CRELD1: variants seen among roughly 807,000 people sequenced by gnomAD.
CRELD1 encodes the protein protein disulfide isomerase CRELD1.
In CRELD1, 42 loss-of-function variants were observed where a neutral mutation model predicts 58.2. The observed-to-expected ratio is 0.72, with a 90% CI of 0.56 to 0.93. The LOEUF (loss-of-function observed/expected upper bound fraction) is 0.93. CRELD1 is among the 40% of genes least tolerant of loss of function. The probability of loss-of-function intolerance (pLI) is 0.00; values close to 1 mark genes in which losing one functional copy is unlikely to be tolerated. For missense variants in CRELD1, 500 were observed against 540.6 expected (o/e 0.92, Z 0.74); for synonymous variants, 222 against 202.0 (o/e 1.10, Z -0.84).
chr3:9,941,292 C>A, intron 7 of CRELD1, 86 bp downstream of exon 7: 1 of 1,170,014 alleles, frequency 8.5e-7, no homozygotes, highest in Non-Finnish European at 1.2e-6. Flanking sequence ...CTGGGCTAGA[C>A]TAGCCTAGTC....
At chr3:9,936,134 C>G (rs979181728) in intron 3 of CRELD1, 27 of 152,132 alleles carry the variant, frequency 1.8e-4, no homozygotes, top group African/African-American at 6.0e-4. Context: ...TTCTTAACCT[C>G]TCAGAGCCAC....
chr3:9,941,953 A>G (rs2124854459), intron 7 of CRELD1, among the ~76,000 whole-genome samples: 2 of 152,116 alleles, frequency 1.3e-5, no homozygotes, highest in Middle Eastern at 6.8e-3. Context: ...AAAATCCCCA[A>G]AAGACTGTGG....
At chr3:9,936,925 T>G (rs904801714) in intron 3 of CRELD1, among the ~76,000 whole-genome samples, 1 of 152,266 alleles carries the variant, frequency 6.6e-6, no homozygotes, top group Non-Finnish European at 1.5e-5. Context: ...TATTCTCATT[T>G]GGCTGTACCA....
Position 9,934,624 on chromosome 3 carries a change from G to C in CRELD1, c.174+12G>C. ...ACAGCTTTAACAAGGTGGGTGCACCGGCAGCCTCGTTAGAGGGGAACACAG... is the reference window on the plus strand; with the variant it reads ...ACAGCTTTAACAAGGTGGGTGCACCCGCAGCCTCGTTAGAGGGGAACACAG... On this transcript the variant is annotated intron_variant, in intron 2 of 10. Transcript: ENST00000452070. 1.2e-6 allele frequency: 2 copies of C among 1,611,702 alleles called. No homozygotes were observed. Among genetic ancestry groups the C allele is most frequent in the Non-Finnish European group, 1.7e-6 (2 of 1,178,036 alleles).
chr3:9,935,007 C>G lies in CRELD1; in HGVS notation c.257+90C>G, dbSNP rs1415402976. On this transcript the variant is annotated intron_variant, in intron 3 of 10. Transcript: ENST00000452070. ...TAGGGCTAGGAACTCTTGGGGAGCA[C>G]TTATTCATTCAACAAATAGCACTGA... is the stretch of plus-strand genomic sequence containing the variant. 6.5e-6 allele frequency: 7 copies of G among 1,084,838 alleles called. No individual in the cohort carries two copies. In the East Asian group the frequency reaches 1.8e-4, roughly 28 times the overall value. 67.2% of individuals were successfully genotyped at this position (1,084,838 alleles called of 1,614,324 possible).
At chr3:9,944,010 C>A in intron 10 of CRELD1, 1 of 944,776 alleles carries the variant, frequency 1.1e-6, no homozygotes, top group East Asian at 2.4e-5. Context: ...AGAGATGAAG[C>A]TACTTTCCCA....
intron 7 of CRELD1, among the ~76,000 whole-genome samples, chr3:9,942,254 A>G (rs1258317298): frequency 1.3e-5 from 2 of 151,602 alleles, no homozygotes; most frequent in African/African-American, 4.9e-5. Context: ...CTGGGTGACA[A>G]GAGCGAAACT....
chr3:9,938,585 C>T (rs764859760), intron 5 of CRELD1: 12 of 168,016 alleles, frequency 7.1e-5, no homozygotes, highest in Non-Finnish European at 1.2e-4. Flanking sequence ...ATTGGCTGGG[C>T]GCGGTGGCTC....
At chr3:9,939,749 G>A (rs1044026163) in intron 5 of CRELD1, among the ~76,000 whole-genome samples, 3 of 152,130 alleles carry the variant, frequency 2.0e-5, no homozygotes, top group African/African-American at 7.2e-5. Context: ...CACAGACACA[G>A]CAACCATCCG....
intron 7 of CRELD1, 31 bp from the exon 8 acceptor site, chr3:9,942,782 T>G: frequency 6.3e-6 from 10 of 1,584,172 alleles, no homozygotes; most frequent in Non-Finnish European, 5.2e-6. Context: ...AAATAGGGAT[T>G]GAAATTCTCA....
intron 3 of CRELD1, 110 bp from the exon 4 acceptor site, chr3:9,937,452 T>C: frequency 1.3e-6 from 1 of 758,744 alleles, no homozygotes; most frequent in Non-Finnish European, 2.3e-6. Flanking sequence ...TTATACCTCA[T>C]GGCCTCTCCT....
At chr3:9,937,472 T>G in intron 3 of CRELD1, 90 bp from the exon 4 acceptor site, 2 of 863,538 alleles carry the variant, frequency 2.3e-6, no homozygotes, top group Non-Finnish European at 3.9e-6. Flanking sequence ...TTTGATATTT[T>G]CACCGCACGA....
intron 9 of CRELD1, 83 bp from the exon 10 acceptor site, chr3:9,943,298 G>T: frequency 1.2e-6 from 2 of 1,603,418 alleles, no homozygotes; most frequent in Non-Finnish European, 1.7e-6. Context: ...AGGGCAGAGG[G>T]GAGTGTTGAG....
Position 9,941,188 on chromosome 3 carries a change from C to T in CRELD1, c.715C>T (p.His239Tyr), listed in dbSNP as rs1451636401. The part of the protein sequence containing the change: ...CLQCKKGWAL[H>Y]HLKCVDIDEC... The stretch of plus-strand genomic sequence containing the variant: ...GCAATGCAAGAAGGGCTGGGCCCTG[C>T]ATCACCTCAAGTGTGTAGGTAAGTG... The change falls in exon 7 of 11, where the codon CAT (histidine) becomes TAT (tyrosine). Residue 239 changes from histidine to tyrosine, a missense_variant. By Grantham distance (83) the His-to-Tyr change is moderately conservative. Coordinates refer to ENST00000452070, the MANE Select transcript of CRELD1 (RefSeq NM_001077415.3). The T allele has an allele frequency of 6.2e-7, 1 of 1,614,002 alleles. No individual in the cohort carries two copies. Among genetic ancestry groups the T allele is most frequent in the East Asian group, 2.2e-5 (1 of 44,864 alleles).
At position 9,934,686 on chromosome 3, in the gene CRELD1, G is replaced by A. The variant is rs3732971; in HGVS notation, c.174+74G>A. Reference sequence around the variant, plus strand: ...GGGGAACTCTGGGATGCAAATCTGCGTGGATTTAAGTTTCATCTTGGTCTC... The same window carrying A: ...GGGGAACTCTGGGATGCAAATCTGCATGGATTTAAGTTTCATCTTGGTCTC... On this transcript the variant is annotated intron_variant, in intron 2 of 10. Coordinates refer to ENST00000452070, the MANE Select transcript of CRELD1 (RefSeq NM_001077415.3). 1.3e-5 allele frequency: 21 copies of A among 1,567,588 alleles called. No homozygotes were observed. In the East Asian group the frequency reaches 3.4e-4, roughly 25 times the overall value.
chr3:9,939,998 C>G (rs529411477), intron 5 of CRELD1, among the ~76,000 whole-genome samples: 3 of 151,582 alleles, frequency 2.0e-5, no homozygotes, highest in Non-Finnish European at 4.4e-5. Context: ...GGGCTGGCTG[C>G]CCGGCGGAGA....
intron 10 of CRELD1, chr3:9,943,991 A>G: frequency 9.7e-7 from 1 of 1,026,818 alleles, no homozygotes; most frequent in Non-Finnish European, 1.6e-6. Context: ...TGTAAAAATG[A>G]AGATGCAGAG....
In CRELD1 at chr3:9,934,575, G is replaced by A; in HGVS notation, c.137G>A (p.Cys46Tyr). 6.2e-7 allele frequency: 1 copy of A among 1,614,012 alleles called. No individual in the cohort carries two copies. Among genetic ancestry groups the A allele is most frequent in the Non-Finnish European group, 8.5e-7 (1 of 1,179,964 alleles). Residue 46 changes from cysteine (C) to tyrosine (Y), a missense_variant, in exon 2 of 11, where the codon TGT (cysteine) becomes TAT (tyrosine). Cys to Tyr is a radical substitution (Grantham distance 194). Coordinates refer to ENST00000452070, the MANE Select transcript of CRELD1 (RefSeq NM_001077415.3). ...QSSPPPQPHP[C>Y]HTCRGLVDSF... Reference sequence around the variant, plus strand: ...TCTCCCCCGCCTCAGCCCCATCCGTGTCATACCTGCCGGGGACTGGTTGAC... The same window carrying A: ...TCTCCCCCGCCTCAGCCCCATCCGTATCATACCTGCCGGGGACTGGTTGAC...
chr3:9,937,945 A>C, intron 4 of CRELD1, 70 bp from the exon 5 acceptor site: 1 of 1,118,138 alleles, frequency 8.9e-7, no homozygotes. Flanking sequence ...GCATGGGGGA[A>C]TGGGAACAGC....
Sources: allele counts gnomAD v4.1 joint callset (sites outside exome capture counted in the v4.1 genomes callset), GRCh38; gene constraint gnomAD v4.1.1; transcripts MANE v1.5; gene names NCBI Gene and HGNC (gene_info 2026-07-23, HGNC 2026-07-21).